Variants in BOD1L1 observed in about 807,000 individuals in gnomAD.
BOD1L1 encodes the protein biorientation of chromosomes in cell division protein 1-like 1.
In BOD1L1, 86 loss-of-function variants were observed where a neutral mutation model predicts 240.7. The ratio of observed to expected loss-of-function variants is 0.36; its 90% CI spans 0.30 to 0.43. The LOEUF is 0.43. Ranked by LOEUF, BOD1L1 falls within the 20% of genes least tolerant of loss-of-function variation. The pLI, the probability that BOD1L1 is intolerant of heterozygous loss-of-function variation, is 1.00. For synonymous variants in BOD1L1, 1,268 were observed against 1,272.3 expected (o/e 1.00, Z 0.07); for missense variants, 3,554 against 3,643.5 (o/e 0.98, Z 0.63).
chr4:13,570,347 G>T (rs1712113179), intron 25 of BOD1L1, among the ~76,000 whole-genome samples: 1 of 152,244 alleles, frequency 6.6e-6, no homozygotes, highest in African/African-American at 2.4e-5. Context: ...TGGAAGAGAA[G>T]TTTGAAGCCT....
chr4:13,601,354 C>T lies in BOD1L1; in HGVS notation c.5546G>A (p.Cys1849Tyr). The stretch of plus-strand genomic sequence containing the variant: ...GCTAGTCACAATGCCTTCATCATCA[C>T]AAGGACCAGCAGCAACTAATGGTAC... Reference protein sequence around the residue: ...TNVPLVAAGPCDDEGIVTSTG... With the variant: ...TNVPLVAAGPYDDEGIVTSTG... The change falls in exon 10 of 26, where the codon TGT becomes TAT. Residue 1849 changes from cysteine to tyrosine, a missense_variant. Physicochemically the swap from Cys to Tyr is radical, Grantham distance 194 (BLOSUM62 -2). Transcript: ENST00000040738. The T allele has an allele frequency of 6.2e-7, 1 of 1,614,058 alleles. No individual in the cohort carries two copies. Among genetic ancestry groups the T allele is most frequent in the Non-Finnish European group, 8.5e-7 (1 of 1,179,904 alleles).
At position 13,601,446 on chromosome 4, in the gene BOD1L1, T is replaced by C. The variant is rs771864784; in HGVS notation, c.5454A>G (p.Ile1818Met). ...GSEDSSEGFA[I>M]SSESEENGES... ...CTCCATTTTCTTCCGATTCAGAACT[T>C]ATAGCAAAGCCTTCGCTGCTATCTT... The change falls in exon 10 of 26, where the codon ATA becomes ATG. Residue 1818 changes from isoleucine (I) to methionine (M), a missense_variant. By Grantham distance (10) the Ile-to-Met change is conservative. Transcript: ENST00000040738. 13 of 1,614,052 alleles carry C rather than the reference T, an allele frequency of 8.1e-6. No individual in the cohort carries two copies. The highest frequency in any genetic ancestry group is 1.6e-4 in the Middle Eastern group (1 of 6,062).
intron 1 of BOD1L1, among the ~76,000 whole-genome samples, chr4:13,623,106 C>A (rs574024624): frequency 6.6e-6 from 1 of 152,158 alleles, no homozygotes; most frequent in African/African-American, 2.4e-5. Context: ...ACAGCTTATT[C>A]GAAATAAAAC....
chr4:13,604,498 A>C lies in BOD1L1; in HGVS notation c.2402T>G (p.Val801Gly). The change falls in exon 10 of 26, where the codon GTA becomes GGA. Residue 801 changes from valine (V) to glycine (G), a missense_variant. Val to Gly is a moderately radical substitution (Grantham distance 109, BLOSUM62 -3). Transcript: ENST00000040738. Reference sequence around the variant, plus strand: ...AACTGGCTTTCCATCTTTGCCTAATACTGATAATTTCCTTTCATTCCTATG... The same window carrying C: ...AACTGGCTTTCCATCTTTGCCTAATCCTGATAATTTCCTTTCATTCCTATG... ...SKHRNERKLS[V>G]LGKDGKPVSE... 6.5e-7 allele frequency: 1 copy of C among 1,533,216 alleles called. No homozygotes were observed. Among genetic ancestry groups the C allele is most frequent in the Non-Finnish European group, 8.7e-7 (1 of 1,148,092 alleles). The allele number at this position is 1,533,216 out of a possible 1,614,324, so 95.0% of individuals were successfully genotyped here.
At chr4:13,624,454 T>C (rs889474513) in intron 1 of BOD1L1, 1 of 152,264 alleles carries the variant, frequency 6.6e-6, no homozygotes, top group African/African-American at 2.4e-5. Context: ...AGTCTTGTTC[T>C]GTCTCCCAGG....
intron 17 of BOD1L1, among the ~76,000 whole-genome samples, chr4:13,583,260 A>G (rs1243375293): frequency 6.6e-6 from 1 of 152,230 alleles, no homozygotes; most frequent in Admixed American, 6.5e-5. Context: ...TGTTTCAACT[A>G]TAATACTAAT....
chr4:13,579,775 TAC>T (rs1409736684), intron 22 of BOD1L1, among the ~76,000 whole-genome samples, 151 bp downstream of exon 22: 1 of 152,156 alleles, frequency 6.6e-6, no homozygotes, highest in Non-Finnish European at 1.5e-5. Flanking sequence ...AGCCAATAGA[TAC>T]AGTCTCTCCC....
chr4:13,596,254 C>G (rs1577338765), intron 11 of BOD1L1, among the ~76,000 whole-genome samples: 1 of 152,154 alleles, frequency 6.6e-6, no homozygotes, highest in African/African-American at 2.4e-5. Context: ...AGTCTCATCA[C>G]AGCTCACCGT....
chr4:13,585,596 A>G (rs1417264849), intron 17 of BOD1L1, among the ~76,000 whole-genome samples: 3 of 152,142 alleles, frequency 2.0e-5, no homozygotes, highest in African/African-American at 7.2e-5. Flanking sequence ...AAAAAAGGCA[A>G]TGGGTGAGGC....
At chr4:13,587,446 G>A (rs1022531835) in intron 16 of BOD1L1, among the ~76,000 whole-genome samples, 1 of 152,168 alleles carries the variant, frequency 6.6e-6, no homozygotes, top group African/African-American at 2.4e-5. Flanking sequence ...GCTCCAGGGT[G>A]TGGTTCCAGA....
chr4:13,598,765 A>C (rs1046221750), intron 10 of BOD1L1, among the ~76,000 whole-genome samples, 181 bp downstream of exon 10: 1 of 152,256 alleles, frequency 6.6e-6, no homozygotes, highest in African/African-American at 2.4e-5. Flanking sequence ...TAGCTTTTAG[A>C]GAAGTTTGAC....
chr4:13,580,406 C>T (rs928272894), intron 21 of BOD1L1, among the ~76,000 whole-genome samples: 2 of 152,138 alleles, frequency 1.3e-5, no homozygotes, highest in African/African-American at 2.4e-5. Flanking sequence ...TCACAGGTCT[C>T]GGGATAAGTG....
rs954533539 is a variant in BOD1L1 at position 13,576,812 on chromosome 4, T to C, written c.9038+26A>G. ...AGATGGAGAAGCTGGTGAAGGTCTC[T>C]GGCAGCTCTGTGCTGCCCCCATTAC... On this transcript the variant is annotated intron_variant, in intron 25 of 25. Coordinates refer to ENST00000040738, the MANE Select transcript of BOD1L1 (RefSeq NM_148894.3). 11 of 1,588,850 alleles carry C rather than the reference T, an allele frequency of 6.9e-6. No individual in the cohort carries two copies. In the African/African-American group the frequency reaches 1.2e-4, roughly 18 times the overall value.
Position 13,570,108 on chromosome 4 carries a change from G to A in BOD1L1, c.9059C>T (p.Pro3020Leu), listed in dbSNP as rs1712076442. The change falls in exon 26 of 26, where the codon CCT (proline) becomes CTT (leucine). Residue 3020 changes from proline to leucine, a missense_variant. By Grantham distance (98) the Pro-to-Leu change is moderately conservative. This residue lies in a region of BOD1L1 where 3,393 missense variants were observed against 3,427.1 expected (regional missense o/e 0.99). Transcript: ENST00000040738. ...GACTTCTCTCTTGCGCTTGATAGAA[G>A]GGGAGAGCTGTGTCTTTGATCTGCA... Reference protein sequence around the residue: ...EAQRSKTQLSPSIKRKREVSP... With the variant: ...EAQRSKTQLSLSIKRKREVSP... The A allele has an allele frequency of 1.3e-6, 2 of 1,598,922 alleles. No homozygotes were observed. The highest frequency in any genetic ancestry group is 1.7e-6 in the Non-Finnish European group (2 of 1,174,096).
chr4:13,577,316 A>G, intron 24 of BOD1L1, 87 bp downstream of exon 24: 1 of 1,097,250 alleles, frequency 9.1e-7, no homozygotes, highest in Non-Finnish European at 1.3e-6. Context: ...AGCTGTACCC[A>G]TTGGATTTTT....
At chr4:13,605,803 G>A (rs1310545414) in intron 9 of BOD1L1, among the ~76,000 whole-genome samples, 1 of 152,112 alleles carries the variant, frequency 6.6e-6, no homozygotes, top group African/African-American at 2.4e-5. Context: ...TACACATGAA[G>A]CTTCAAATGT....
intron 8 of BOD1L1, 140 bp downstream of exon 8, chr4:13,608,390 T>C (rs1426132984): frequency 7.6e-6 from 5 of 654,400 alleles, no homozygotes; most frequent in African/African-American, 1.9e-5. Flanking sequence ...TGATACTAAA[T>C]ATGAAACCCT....
At chr4:13,607,356 A>T (rs903656628) in intron 8 of BOD1L1, among the ~76,000 whole-genome samples, 167 bp from the exon 9 acceptor site, 2 of 151,968 alleles carry the variant, frequency 1.3e-5, no homozygotes, top group African/African-American at 4.8e-5. Flanking sequence ...CTGGAGTGCA[A>T]TCACGCAATC....
intron 15 of BOD1L1, 59 bp downstream of exon 15, chr4:13,588,660 CTTT>C (rs1713923077): frequency 7.2e-6 from 9 of 1,255,088 alleles, no homozygotes; most frequent in Non-Finnish European, 1.0e-5. Flanking sequence ...TAAAGCCCTT[CTTT>C]GTGTACAGTG....
Sources: allele counts gnomAD v4.1 joint callset (sites outside exome capture counted in the v4.1 genomes callset), GRCh38; gene constraint gnomAD v4.1.1; regional missense constraint gnomAD v4.1.1; transcripts MANE v1.5; gene names NCBI Gene and HGNC (gene_info 2026-07-23, HGNC 2026-07-21).